ZNF215: variants seen among roughly 807,000 people sequenced by gnomAD.
ZNF215 encodes zinc finger protein 215.
Under a neutral mutation model 27.2 loss-of-function variants are expected in ZNF215, and 24 were observed. The observed-to-expected ratio is 0.88, with a 90% CI of 0.64 to 1.24. ZNF215 has a LOEUF of 1.24. Ranked by LOEUF, ZNF215 falls within the 50% of genes most tolerant of loss-of-function variation. The pLI is 0.00. For synonymous variants in ZNF215, 210 were observed against 204.0 expected (o/e 1.03, Z -0.25); for missense variants, 675 against 605.7 (o/e 1.11, Z -1.20).
At chr11:6,937,184 G>T (rs191748363) in intron 3 of ZNF215, among the ~76,000 whole-genome samples, 2 of 152,028 alleles carry the variant, frequency 1.3e-5, no homozygotes, top group Admixed American at 6.5e-5. Flanking sequence ...AAATCCTAAA[G>T]AACCCAGTAA....
rs185152585 is a variant in ZNF215 at position 6,953,200 on chromosome 11, A to G, written c.713-2490A>G. On this transcript the variant is annotated intron_variant, in intron 6 of 6. Coordinates refer to ENST00000278319, the MANE Select transcript of ZNF215 (RefSeq NM_013250.4). ...CTTCATTTCAACTTTGGTGAATCTGACAATTGTATGTCTTGGAGTTGCTCT... is the reference window on the plus strand; with the variant it reads ...CTTCATTTCAACTTTGGTGAATCTGGCAATTGTATGTCTTGGAGTTGCTCT... 9.7e-4 allele frequency among the ~76,000 whole-genome samples: 147 copies of G among 152,098 alleles called. 1 individual carries two copies. Among genetic ancestry groups the G allele is most frequent in the African/African-American group, 3.4e-3 (142 of 41,500 alleles).
At chr11:6,959,267 C>T (rs775191691), downstream of ZNF215, among the ~76,000 whole-genome samples, 1 of 152,140 alleles carries the variant, frequency 6.6e-6, no homozygotes. Context: ...GTTCAGGAAA[C>T]ATAAGTTCAT....
At chr11:6,985,403 T>A (rs2131055), downstream of ZNF215, among the ~76,000 whole-genome samples, 90,450 of 151,930 alleles carry the variant, frequency 0.6, 26,984 homozygotes, top group East Asian at 0.69. Context: ...TCAAAATAAT[T>A]AGAGCCATCT....
At chr11:6,958,468 AAAT>A (rs1219241465), downstream of ZNF215, among the ~76,000 whole-genome samples, 3 of 152,236 alleles carry the variant, frequency 2.0e-5, 1 homozygote, top group Middle Eastern at 6.3e-3. Context: ...ACATAGTTTC[AAAT>A]AATAATTTTT....
At chr11:6,983,518 T>C (rs765852753) in intron 5 of ZNF215, among the ~76,000 whole-genome samples, 33 of 152,174 alleles carry the variant, frequency 2.2e-4, no homozygotes, top group Non-Finnish European at 4.0e-4. Flanking sequence ...AATAAAATAC[T>C]GGCAAACCGA....
intron 5 of ZNF215, among the ~76,000 whole-genome samples, chr11:6,979,627 G>C (rs936355675): frequency 7.2e-5 from 11 of 152,024 alleles, no homozygotes; most frequent in African/African-American, 2.7e-4. Context: ...AGGAGGTTAA[G>C]TAGCATGTTT....
intron 6 of ZNF215, among the ~76,000 whole-genome samples, chr11:6,952,244 T>C (rs1850101080): frequency 6.6e-6 from 1 of 152,338 alleles, no homozygotes; most frequent in East Asian, 1.9e-4. Flanking sequence ...TAGATGTCTA[T>C]TAGGTCTGCT....
At chr11:6,942,640 C>T (rs942233714) in intron 4 of ZNF215, among the ~76,000 whole-genome samples, 1 of 152,148 alleles carries the variant, frequency 6.6e-6, no homozygotes, top group Non-Finnish European at 1.5e-5. Flanking sequence ...TATCAGGCAG[C>T]ATTTCTTAAT....
chr11:6,962,255 C>G (rs1477686602), downstream of ZNF215, among the ~76,000 whole-genome samples: 2 of 152,144 alleles, frequency 1.3e-5, no homozygotes, highest in African/African-American at 4.8e-5. Context: ...TTGGTAAGAG[C>G]TGCAACCTGA....
downstream of ZNF215, among the ~76,000 whole-genome samples, chr11:6,962,730 T>G (rs1292551041): frequency 6.6e-6 from 1 of 152,096 alleles, no homozygotes; most frequent in Non-Finnish European, 1.5e-5. Flanking sequence ...TGGGCCCCAG[T>G]GCAGACCTAA....
At chr11:6,978,900 GAACA>G (rs1255353430) in intron 5 of ZNF215, among the ~76,000 whole-genome samples, 1 of 152,018 alleles carries the variant, frequency 6.6e-6, no homozygotes, top group Non-Finnish European at 1.5e-5. Flanking sequence ...ATTATAAGAT[GAACA>G]AAAATGAGAA....
At chr11:6,955,637 T>A in intron 6 of ZNF215, 53 bp from the exon 7 acceptor site, 1 of 1,517,380 alleles carries the variant, frequency 6.6e-7, no homozygotes, top group East Asian at 2.3e-5. Flanking sequence ...AGCCTCCATT[T>A]CCTATTGAAG....
chr11:6,966,510 T>C (rs2346002), intron 5 of ZNF215, among the ~76,000 whole-genome samples: 31,748 of 151,066 alleles, frequency 0.21, 3,545 homozygotes, highest in Non-Finnish European at 0.25. Flanking sequence ...AAAAAAAAAA[T>C]GTTTATATCA....
chr11:6,927,357 T>A (rs1023277249), intron 1 of ZNF215, among the ~76,000 whole-genome samples: 2 of 152,184 alleles, frequency 1.3e-5, no homozygotes, highest in Admixed American at 1.3e-4. Flanking sequence ...TCTAAGCTAC[T>A]CTCGCCAGGT....
In ZNF215 at chr11:6,943,469, ATTATC is replaced by A. The variant is rs1053442108; in HGVS notation, c.617-74_617-70del. ...GCTTGGATTACTGTGTCGGGATAGA[ATTATC>A]TTCTCTATAAAAATGTCTGAAGTGT... On this transcript the variant is annotated intron_variant, in intron 5 of 6. Transcript: ENST00000278319. 104 of 1,379,562 alleles carry A rather than the reference ATTATC, an allele frequency of 7.5e-5. No individual in the cohort carries two copies. The Middle Eastern group carries it at 1.3e-3, about 18-fold the overall frequency. The allele number at this position is 1,379,562 out of a possible 1,614,324, so 85.5% of individuals were successfully genotyped here. A position where few individuals can be genotyped will look rare whatever the true frequency, so the allele number is the denominator to read the frequency against.
In ZNF215 at chr11:6,956,673, G is replaced by A; in HGVS notation, c.*142G>A. 2 of 1,395,760 alleles carry A rather than the reference G, an allele frequency of 1.4e-6. No homozygotes were observed. Among genetic ancestry groups the A allele is most frequent in the Admixed American group, 3.4e-5 (1 of 29,382 alleles). The allele number at this position is 1,395,760 out of a possible 1,614,324, so 86.5% of individuals were successfully genotyped here. A position where few individuals can be genotyped will look rare whatever the true frequency, so the allele number is the denominator to read the frequency against. On this transcript the variant is annotated 3_prime_UTR_variant, in exon 7 of 7. Coordinates refer to ENST00000278319, the MANE Select transcript of ZNF215 (RefSeq NM_013250.4). ...CTTTAAATGATATCACAGAATTAATGTTGGATAGAAATATCATTGGATAGA... is the reference window on the plus strand; with the variant it reads ...CTTTAAATGATATCACAGAATTAATATTGGATAGAAATATCATTGGATAGA...
At position 6,983,051 on chromosome 11, in the gene ZNF215, T is replaced by A. The variant is rs10839672; in HGVS notation, c.806-1078T>A. Reference sequence around the variant, plus strand: ...AGAAAAGAGAGAAGAATCAAATAGATGCAATAAAAAATGATAAAGGGGATA... The same window carrying A: ...AGAAAAGAGAGAAGAATCAAATAGAAGCAATAAAAAATGATAAAGGGGATA... On this transcript the variant is annotated intron_variant, in intron 5 of 5. Coordinates refer to the ZNF215 transcript ENST00000529903. 1.0e-4 allele frequency among the ~76,000 whole-genome samples: 15 copies of A among 148,972 alleles called. No homozygotes were observed. In the South Asian group the frequency reaches 1.5e-3, roughly 15 times the overall value.
At chr11:6,937,101 G>T (rs1366297759) in intron 3 of ZNF215, among the ~76,000 whole-genome samples, 1 of 151,916 alleles carries the variant, frequency 6.6e-6, no homozygotes, top group Non-Finnish European at 1.5e-5. Flanking sequence ...AAGAAAAAAA[G>T]AAAAGGTATC....
chr11:6,974,696 C>G (rs931560378), intron 5 of ZNF215, among the ~76,000 whole-genome samples: 2 of 152,068 alleles, frequency 1.3e-5, no homozygotes, highest in Admixed American at 1.3e-4. Context: ...CTCTGTTTGT[C>G]TGTTATTGAT....
Sources: allele counts gnomAD v4.1 joint callset (sites outside exome capture counted in the v4.1 genomes callset), GRCh38; gene constraint gnomAD v4.1.1; transcripts MANE v1.5; gene names NCBI Gene and HGNC (gene_info 2026-07-23, HGNC 2026-07-21).